NBR1: variants seen among roughly 807,000 people sequenced by gnomAD.
The protein encoded by NBR1 is next to BRCA1 gene 1 protein.
A neutral mutation model predicts 115.5 loss-of-function variants in NBR1; 59 were observed. The observed-to-expected ratio is 0.51, with a 90% CI of 0.41 to 0.63. NBR1 has a LOEUF of 0.63. Among genes scored for constraint, NBR1 ranks in the 30% least tolerant of loss-of-function variants. The pLI, the probability that NBR1 is intolerant of heterozygous loss-of-function variation, is 0.00. For missense variants in NBR1, 1,043 were observed against 1,150.5 expected (o/e 0.91, Z 1.35); for synonymous variants, 373 against 414.7 (o/e 0.90, Z 1.22).
chr17:43,177,549 TC>T (rs1294740743), intron 2 of NBR1, among the ~76,000 whole-genome samples: 2 of 141,480 alleles, frequency 1.4e-5, no homozygotes, highest in Non-Finnish European at 3.0e-5. Context: ...CATTTGCTGT[TC>T]CCTACCCCAC....
intron 5 of NBR1, among the ~76,000 whole-genome samples, chr17:43,185,645 G>C (rs1213563764): frequency 6.6e-6 from 1 of 152,130 alleles, no homozygotes; most frequent in Non-Finnish European, 1.5e-5. Flanking sequence ...GCTGCAGTGA[G>C]CCATGCACTG....
Position 43,201,739 on chromosome 17 carries a change from C to T in NBR1, c.2522C>T (p.Thr841Ile). 1 of 1,609,304 alleles carries T rather than the reference C, an allele frequency of 6.2e-7. No individual in the cohort carries two copies. Residue 841 changes from threonine to isoleucine, a missense_variant, in exon 18 of 21, where the codon ACC becomes ATC. Thr to Ile is a moderately conservative substitution (Grantham distance 89, BLOSUM62 -1). Coordinates refer to ENST00000590996, the MANE Select transcript of NBR1 (RefSeq NM_005899.5). Reference sequence around the variant, plus strand: ...TCCCCAGGAGTGGATTTACCAGTTACCATACCAGAAGTTTCTTCAGTCCCT... The same window carrying T: ...TCCCCAGGAGTGGATTTACCAGTTATCATACCAGAAGTTTCTTCAGTCCCT... ...HGSPGVDLPVTIPEVSSVPDQ... is the reference protein window; with the variant it reads ...HGSPGVDLPVIIPEVSSVPDQ...
At chr17:43,174,304 T>C (rs1348674208) in intron 1 of NBR1, among the ~76,000 whole-genome samples, 1 of 152,130 alleles carries the variant, frequency 6.6e-6, no homozygotes, top group Non-Finnish European at 1.5e-5. Context: ...ATAAAAATAT[T>C]TTAAAAAATA....
chr17:43,196,366 G>T, intron 14 of NBR1, 115 bp from the exon 15 acceptor site: 1 of 619,614 alleles, frequency 1.6e-6, no homozygotes, highest in Non-Finnish European at 2.7e-6. Flanking sequence ...GCATATCTTG[G>T]TTTATTTTAG....
intron 3 of NBR1, among the ~76,000 whole-genome samples, chr17:43,178,270 A>G (rs2056574416): frequency 6.7e-6 from 1 of 150,114 alleles, no homozygotes; most frequent in Admixed American, 6.6e-5. Context: ...CCAGTCTTGA[A>G]CTCCTGGGCC....
rs576065853 is a variant in NBR1, at chr17:43,207,741, C to T, written c.2728-2160C>T. Reference sequence around the variant, plus strand: ...ATCTGAATAGTTGTTATACGGTATTCGGGAATAATGACAAAAAAGTTTGTA... The same window carrying T: ...ATCTGAATAGTTGTTATACGGTATTTGGGAATAATGACAAAAAAGTTTGTA... On this transcript the variant is annotated intron_variant, in intron 20 of 20. Coordinates refer to ENST00000590996, the MANE Select transcript of NBR1 (RefSeq NM_005899.5). 6.6e-5 allele frequency among the ~76,000 whole-genome samples: 10 copies of T among 152,280 alleles called. No homozygotes were observed. The South Asian group carries it at 1.2e-3, about 19-fold the overall frequency.
intron 13 of NBR1, 199 bp from the exon 14 acceptor site, chr17:43,194,765 T>C (rs1597996984): frequency 1.6e-6 from 1 of 622,498 alleles, no homozygotes; most frequent in East Asian, 2.9e-5. Context: ...CCTTCATACC[T>C]GCTGCATTTT....
chr17:43,182,606 T>TG (rs1461504958), intron 5 of NBR1, among the ~76,000 whole-genome samples: 1 of 151,730 alleles, frequency 6.6e-6, no homozygotes, highest in African/African-American at 2.4e-5. Flanking sequence ...ATGCTTTTTT[T>TG]TTTGTTTTTA....
intron 20 of NBR1, chr17:43,209,615 C>G (rs1300912784): frequency 6.5e-7 from 1 of 1,535,550 alleles, no homozygotes; most frequent in East Asian, 2.4e-5. Flanking sequence ...TTCCTGAAAG[C>G]CCCGAGTGAA....
At chr17:43,209,088 T>C (rs2057369146) in intron 20 of NBR1, among the ~76,000 whole-genome samples, 1 of 151,952 alleles carries the variant, frequency 6.6e-6, no homozygotes, top group South Asian at 2.1e-4. Context: ...CTTGTTTTTT[T>C]TTTTTTGAGA....
intron 19 of NBR1, among the ~76,000 whole-genome samples, chr17:43,203,292 C>T (rs71379210): frequency 0.01 from 1,549 of 152,288 alleles, 34 homozygotes; most frequent in African/African-American, 0.036. Context: ...ACCTGGTTCT[C>T]TGCTTCCACT....
chr17:43,193,160 GC>G lies in NBR1; in HGVS notation c.1142del (p.Pro381LeufsTer18). Reference sequence around the variant, plus strand: ...GTGCAGCATTTGTGGATGAGAATTTGCCTGATGGGACTCACCTTCAGCCAGG... The same window carrying G: ...GTGCAGCATTTGTGGATGAGAATTTGCTGATGGGACTCACCTTCAGCCAGG... ...LSAAFVDENL[P>X]DGTHLQPGTK... On this transcript the variant is annotated frameshift_variant, in exon 11 of 21. Transcript: ENST00000590996. LOFTEE classifies it high-confidence loss of function. The G allele has an allele frequency of 6.2e-7, 1 of 1,613,944 alleles. No individual in the cohort carries two copies. Among genetic ancestry groups the G allele is most frequent in the Non-Finnish European group, 8.5e-7 (1 of 1,179,882 alleles).
intron 4 of NBR1, 55 bp from the exon 5 acceptor site, chr17:43,180,740 G>A (rs1387008827): frequency 1.4e-6 from 2 of 1,383,936 alleles, no homozygotes; most frequent in Non-Finnish European, 1.9e-6. Context: ...TAAAATAATA[G>A]AATCTTTTGG....
intron 20 of NBR1, chr17:43,209,520 A>C (rs1394177521): frequency 6.8e-7 from 1 of 1,466,376 alleles, no homozygotes; most frequent in Non-Finnish European, 9.2e-7. Flanking sequence ...TCTTGCTCAT[A>C]CTTCCCCCAT....
rs548952464 is a variant in NBR1 at position 43,181,020 on chromosome 17, C to T, written c.207+203C>T. ...CCGAGTAGCTGGAACTACAGAAACACGTCACCACGCCCGGCTAACTTTTTA... is the reference window on the plus strand; with the variant it reads ...CCGAGTAGCTGGAACTACAGAAACATGTCACCACGCCCGGCTAACTTTTTA... On this transcript the variant is annotated intron_variant, in intron 5 of 20. Coordinates refer to ENST00000590996, the MANE Select transcript of NBR1 (RefSeq NM_005899.5). 3.9e-4 allele frequency among the ~76,000 whole-genome samples: 60 copies of T among 152,188 alleles called. No individual in the cohort carries two copies. The South Asian group carries it at 0.012, about 31-fold the overall frequency.
intron 1 of NBR1, among the ~76,000 whole-genome samples, chr17:43,175,458 T>C (rs1283560284): frequency 6.6e-6 from 1 of 152,246 alleles, no homozygotes; most frequent in Non-Finnish European, 1.5e-5. Context: ...TCTGGGAATG[T>C]GGTCAAAATT....
chr17:43,193,711 A>C (rs1016199860), intron 12 of NBR1, 73 bp downstream of exon 12: 20 of 1,472,354 alleles, frequency 1.4e-5, no homozygotes, highest in East Asian at 2.5e-5. Flanking sequence ...AAACTAAAAG[A>C]ACCCACTCAT....
chr17:43,172,895 G>C (rs567496145), intron 1 of NBR1, among the ~76,000 whole-genome samples: 6 of 152,082 alleles, frequency 3.9e-5, no homozygotes, highest in African/African-American at 1.4e-4. Context: ...GCGCGATCTT[G>C]GCTCACTGCA....
Position 43,194,361 on chromosome 17 carries a change from T to C in NBR1, c.1536T>C (p.Leu512=), listed in dbSNP as rs1216525042. 6.2e-7 allele frequency: 1 copy of C among 1,613,072 alleles called. No individual in the cohort carries two copies. Among genetic ancestry groups the C allele is most frequent in the Non-Finnish European group, 8.5e-7 (1 of 1,179,502 alleles). ...DLTCQQEETF[L]LAKEERQLGE... is the part of the protein sequence containing the mutation. ...GTTTGTCTCTATAGGAAACTTTTCT[T>C]CTGGCTAAAGAAGAAAGACAGCTTG... Residue 512 remains leucine, a synonymous_variant, in exon 13 of 21, where the codon CTT becomes CTC. Transcript: ENST00000590996.
Sources: allele counts gnomAD v4.1 joint callset (sites outside exome capture counted in the v4.1 genomes callset), GRCh38; gene constraint gnomAD v4.1.1; transcripts MANE v1.5; gene names NCBI Gene and HGNC (gene_info 2026-07-23, HGNC 2026-07-21).